The following PASD1 variants were observed in gnomAD, a reference collection of about 807,000 sequenced individuals.
PASD1 encodes PAS domain containing repressor 1.
In PASD1, 13 loss-of-function variants were observed where a neutral mutation model predicts 58.8. The observed-to-expected ratio is 0.22, with a 90% CI of 0.14 to 0.35. The LOEUF (loss-of-function observed/expected upper bound fraction) is 0.35. Among genes scored for constraint, PASD1 ranks in the 10% least tolerant of loss-of-function variants. The pLI is 1.00. For synonymous variants in PASD1, 236 were observed against 216.7 expected, an observed-to-expected ratio of 1.09 and a Z score of -0.78; for missense variants, 734 against 568.3, an observed-to-expected ratio of 1.29 and a Z score of -2.96.
intron 1 of PASD1, among the ~76,000 whole-genome samples, chrX:151,566,902 A>G (rs2012850656): frequency 9.2e-6 from 1 of 109,095 alleles, no homozygotes; most frequent in Non-Finnish European, 1.9e-5. Context: ...CCCCGTCTCT[A>G]CTAAGCCCGG....
intron 11 of PASD1, among the ~76,000 whole-genome samples, chrX:151,669,987 C>G (rs1350026298): frequency 8.9e-6 from 1 of 112,212 alleles, no homozygotes; most frequent in Non-Finnish European, 1.9e-5. Context: ...TCCATAGTGG[C>G]TGTACTAATT....
intron 1 of PASD1, among the ~76,000 whole-genome samples, chrX:151,574,513 G>T (rs768866432): frequency 8.9e-6 from 1 of 111,994 alleles, no homozygotes; most frequent in East Asian, 2.8e-4. Context: ...ATTTGTGAGA[G>T]TGCATTCTAC....
At chrX:151,580,022 C>T (rs746018954) in intron 1 of PASD1, among the ~76,000 whole-genome samples, 7 of 111,909 alleles carry the variant, frequency 6.3e-5, no homozygotes, top group Non-Finnish European at 1.1e-4. Flanking sequence ...AGTATGATTA[C>T]TTTAACCCAG....
chrX:151,663,717 T>G (rs1297080995), intron 10 of PASD1, among the ~76,000 whole-genome samples: 1 of 112,163 alleles, frequency 8.9e-6, no homozygotes, highest in East Asian at 2.8e-4. Flanking sequence ...TCATAACACC[T>G]CCCAGAGAAC....
At chrX:151,664,531 C>T (rs978249738) in intron 11 of PASD1, among the ~76,000 whole-genome samples, 183 bp downstream of exon 11, 1 of 112,565 alleles carries the variant, frequency 8.9e-6, no homozygotes, top group Non-Finnish European at 1.9e-5. Context: ...TCAATGGACC[C>T]TCACAAACAG....
chrX:151,637,806 A>G (rs1336595213), intron 8 of PASD1, among the ~76,000 whole-genome samples: 1 of 112,136 alleles, frequency 8.9e-6, no homozygotes, highest in Non-Finnish European at 1.9e-5. Context: ...ATAATATTGA[A>G]TATCTTTTCA....
intron 1 of PASD1, among the ~76,000 whole-genome samples, chrX:151,590,137 G>A (rs977706559): frequency 1.8e-5 from 2 of 111,839 alleles, no homozygotes; most frequent in African/African-American, 6.5e-5. Flanking sequence ...TGGACTCCTA[G>A]TCCTGGGCAA....
intron 8 of PASD1, among the ~76,000 whole-genome samples, chrX:151,626,349 G>A (rs966740149): frequency 7.2e-5 from 8 of 111,739 alleles, no homozygotes; most frequent in East Asian, 5.6e-4. Flanking sequence ...ACTATTTCAC[G>A]TGAGAAAAGT....
At chrX:151,660,683 G>A (rs1054199539) in intron 10 of PASD1, among the ~76,000 whole-genome samples, 7 of 112,432 alleles carry the variant, frequency 6.2e-5, no homozygotes, top group African/African-American at 2.3e-4. Flanking sequence ...CTACTGTTAA[G>A]CCAATGATGG....
intron 1 of PASD1, among the ~76,000 whole-genome samples, chrX:151,569,592 T>C (rs760215016): frequency 1.7e-4 from 19 of 111,965 alleles, no homozygotes; most frequent in African/African-American, 6.2e-4. Context: ...AGAGCTTTCA[T>C]GTAAAGTTCT....
chrX:151,630,748 T>C (rs1026644378), intron 8 of PASD1, among the ~76,000 whole-genome samples: 1 of 112,933 alleles, frequency 8.9e-6, no homozygotes, highest in African/African-American at 3.2e-5. Context: ...AAGTTTTCTC[T>C]ATGCTTATGA....
At chrX:151,656,229 C>T (rs1230292026) in intron 9 of PASD1, among the ~76,000 whole-genome samples, 1 of 111,555 alleles carries the variant, frequency 9.0e-6, no homozygotes, top group African/African-American at 3.3e-5. Context: ...TGTTTTGGTA[C>T]CAGTACCATG....
intron 3 of PASD1, among the ~76,000 whole-genome samples, chrX:151,610,197 T>C (rs888479735): frequency 6.3e-5 from 7 of 111,646 alleles, no homozygotes; most frequent in African/African-American, 2.3e-4. Context: ...TTGGACTTTC[T>C]GATTCTCTTC....
Position 151,646,976 on chromosome X carries a change from G to T in PASD1, c.630-1639G>T, listed in dbSNP as rs192278666. Reference sequence around the variant, plus strand: ...AGGCAGAAGAGAGTTGAGAAAGAGGGAAGAGTCTAGGATGACTTGGAGATT... The same window carrying T: ...AGGCAGAAGAGAGTTGAGAAAGAGGTAAGAGTCTAGGATGACTTGGAGATT... On this transcript the variant is annotated intron_variant, in intron 8 of 15. Transcript: ENST00000370357. 7.1e-5 allele frequency among the ~76,000 whole-genome samples: 8 copies of T among 112,319 alleles called. No individual in the cohort carries two copies. The East Asian group carries it at 1.9e-3, about 27-fold the overall frequency.
chrX:151,670,368 T>G (rs1317593157), intron 11 of PASD1, among the ~76,000 whole-genome samples: 1 of 111,992 alleles, frequency 8.9e-6, no homozygotes, highest in Non-Finnish European at 1.9e-5. Context: ...AACTCTGGTT[T>G]CTCCTCTACG....
Position 151,611,715 on chromosome X carries a change from G to A in PASD1, c.169G>A (p.Val57Met). The change falls in exon 4 of 16, where the codon GTG (valine) becomes ATG (methionine). Residue 57 changes from valine to methionine, a missense_variant. Coordinates refer to ENST00000370357, the MANE Select transcript of PASD1 (RefSeq NM_173493.3). ...GAGCACAGATGGAGTGATCATTTGT[G>A]TGGCTGAAAACATCTCTTCTCTTCT... ...TLSTDGVIIC[V>M]AENISSLLGH... 1 of 1,207,607 alleles carries A rather than the reference G, an allele frequency of 8.3e-7. No individual in the cohort carries two copies.
rs759273366 is a variant in PASD1 at position 151,621,637 on chromosome X, T to G, written c.418+45T>G. 4.3e-6 allele frequency: 4 copies of G among 922,705 alleles called. No homozygotes were observed. The South Asian group carries it at 1.0e-4, about 23-fold the overall frequency. The allele number at this position is 922,705 out of a possible 1,213,427, so 76.0% of individuals were successfully genotyped here. ...TTATCTATATGACATTTATGAGTCA[T>G]GTAGCCTCACATTACTAACATAAAT... is the stretch of plus-strand genomic sequence containing the variant. On this transcript the variant is annotated intron_variant, in intron 6 of 15. Transcript: ENST00000370357.
In PASD1 at chrX:151,563,755, C is replaced by G. The variant is rs1159975317; in HGVS notation, c.-112C>G. 1 of 112,302 alleles carries G rather than the reference C, an allele frequency of 8.9e-6. No individual in the cohort carries two copies. Among genetic ancestry groups the G allele is most frequent in the African/African-American group, 3.2e-5 (1 of 30,846 alleles). 9.3% of individuals were successfully genotyped at this position (112,302 alleles called of 1,213,427 possible). ...AGACTTTCCGGGCGCCCACCAGGCTCCCGGGCTCTCACCGGAGACCACAGG... is the reference window on the plus strand; with the variant it reads ...AGACTTTCCGGGCGCCCACCAGGCTGCCGGGCTCTCACCGGAGACCACAGG... On this transcript the variant is annotated 5_prime_UTR_variant, in exon 1 of 16. Coordinates refer to ENST00000370357, the MANE Select transcript of PASD1 (RefSeq NM_173493.3).
chrX:151,665,898 G>GTC lies in PASD1; in HGVS notation c.1071+1551_1071+1552insCT, dbSNP rs1198324529. On this transcript the variant is annotated intron_variant, in intron 11 of 15. Transcript: ENST00000370357. ...TGTACACGCGCGTGCATGTGTGTGT[G>GTC]TGTGTTTTTTTTTTTTTGGTCTAAT... Among the ~76,000 whole-genome samples the GTC allele has an allele frequency of 9.0e-5, 9 of 100,020 alleles. 1 individual carries two copies. The highest frequency in any genetic ancestry group is 3.4e-4 in the African/African-American group (9 of 26,678). 86.9% of individuals were successfully genotyped at this position (100,020 alleles called of 115,157 possible). A position where few individuals can be genotyped will look rare whatever the true frequency, so the allele number is the denominator to read the frequency against.
Sources: allele counts gnomAD v4.1 joint callset (sites outside exome capture counted in the v4.1 genomes callset), GRCh38; gene constraint gnomAD v4.1.1; transcripts MANE v1.5; gene names NCBI Gene and HGNC (gene_info 2026-07-23, HGNC 2026-07-21).